The following ACTN2 variants were observed in gnomAD, a reference collection of about 807,000 sequenced individuals.
ACTN2 encodes the protein actinin alpha 2.
A neutral mutation model predicts 113.8 loss-of-function variants in ACTN2; 39 were observed. The observed-to-expected ratio is 0.34, with a 90% CI of 0.27 to 0.45. ACTN2 has a LOEUF of 0.45. ACTN2 is among the 20% of genes least tolerant of loss of function. The probability of loss-of-function intolerance (pLI) is 1.00; values close to 1 mark genes in which losing one functional copy is unlikely to be tolerated. For missense variants in ACTN2, 992 were observed against 1,177.9 expected (o/e 0.84, Z 2.31); for synonymous variants, 429 against 444.1 (o/e 0.97, Z 0.43).
chr1:236,686,859 C>G, intron 1 of ACTN2, 60 bp downstream of exon 1: 1 of 1,311,168 alleles, frequency 7.6e-7, no homozygotes, highest in Non-Finnish European at 9.7e-7. Flanking sequence ...GCGGGGCTCC[C>G]GTGCGCGTGG....
At chr1:236,737,297 G>GTGTATATA in intron 9 of ACTN2, 83 bp downstream of exon 9, 11 of 322,140 alleles carry the variant, frequency 3.4e-5, no homozygotes, top group South Asian at 1.4e-4. Flanking sequence ...CTCCGTGGGG[G>GTGTATATA]CATATATATA....
chr1:236,737,297 G>GTATGTATATATATATATA, intron 9 of ACTN2, 83 bp downstream of exon 9: 4 of 322,150 alleles, frequency 1.2e-5, no homozygotes, highest in East Asian at 5.8e-5. Context: ...CTCCGTGGGG[G>GTATGTATATATATATATA]CATATATATA....
intron 1 of ACTN2, among the ~76,000 whole-genome samples, chr1:236,711,865 G>A (rs1658037463): frequency 6.6e-6 from 1 of 152,188 alleles, no homozygotes; most frequent in Non-Finnish European, 1.5e-5. Context: ...AGAGGAGGTT[G>A]GAGGGTTCTG....
chr1:236,690,410 C>T (rs554201098), intron 1 of ACTN2, among the ~76,000 whole-genome samples: 6 of 152,272 alleles, frequency 3.9e-5, no homozygotes, highest in Admixed American at 3.9e-4. Context: ...TAACAGAAAG[C>T]TTGTGACATT....
chr1:236,762,343 C>T (rs1184472481), intron 20 of ACTN2, 118 bp from the exon 21 acceptor site: 3 of 1,346,668 alleles, frequency 2.2e-6, no homozygotes, highest in Admixed American at 1.8e-5. Context: ...CCAATAGACT[C>T]CCTATTCTTT....
intron 9 of ACTN2, among the ~76,000 whole-genome samples, chr1:236,737,545 C>T (rs1208410343): frequency 9.6e-6 from 1 of 104,410 alleles, no homozygotes; most frequent in East Asian, 2.6e-4. Flanking sequence ...CCTTGGGTTA[C>T]TTGTTTTTTT....
rs149857430 is a variant in ACTN2 at position 236,747,093 on chromosome 1, C to T, written c.1407-574C>T. Among the ~76,000 whole-genome samples, 385 of 152,290 alleles carry T rather than the reference C, an allele frequency of 2.5e-3. 1 individual carries two copies. Among genetic ancestry groups the T allele is most frequent in the African/African-American group, 8.9e-3 (372 of 41,574 alleles). ...TCAGAGAGTGATGTCTTCCGACCTT[C>T]ACTCATAGGGACATTGCCACTTAGA... On this transcript the variant is annotated intron_variant, in intron 12 of 20. Coordinates refer to ENST00000366578, the MANE Select transcript of ACTN2 (RefSeq NM_001103.4).
intron 10 of ACTN2, among the ~76,000 whole-genome samples, chr1:236,742,184 C>CT (rs960486546): frequency 6.6e-5 from 10 of 151,632 alleles, no homozygotes; most frequent in East Asian, 3.9e-4. Context: ...CTTGACCCTG[C>CT]TTTTTTTTTC....
intron 9 of ACTN2, 74 bp downstream of exon 9, chr1:236,737,288 T>C: frequency 3.3e-6 from 2 of 604,290 alleles, no homozygotes; most frequent in Admixed American, 2.2e-5. Context: ...GAAAAAATAC[T>C]CCGTGGGGGC....
intron 2 of ACTN2, among the ~76,000 whole-genome samples, chr1:236,718,194 A>C (rs534825370): frequency 6.6e-6 from 1 of 152,244 alleles, no homozygotes; most frequent in East Asian, 1.9e-4. Flanking sequence ...AATAATGTTT[A>C]TACCACCAAG....
intron 1 of ACTN2, among the ~76,000 whole-genome samples, chr1:236,715,313 C>CA (rs1384223806): frequency 2.8e-4 from 30 of 109,060 alleles, no homozygotes; most frequent in African/African-American, 9.1e-4. Flanking sequence ...CCCCCTCCCC[C>CA]CACCCTGTTA....
chr1:236,698,544 A>T (rs1657585303), intron 1 of ACTN2, among the ~76,000 whole-genome samples: 1 of 152,248 alleles, frequency 6.6e-6, no homozygotes, highest in South Asian at 2.1e-4. Context: ...TTTGTGTTTT[A>T]TAGACTGTAA....
chr1:236,707,720 T>C (rs1422345696), intron 1 of ACTN2, among the ~76,000 whole-genome samples: 1 of 137,588 alleles, frequency 7.3e-6, no homozygotes, highest in Non-Finnish European at 1.6e-5. Context: ...TTTTTTTTTT[T>C]TTTTTTTTTG....
intron 1 of ACTN2, among the ~76,000 whole-genome samples, chr1:236,703,432 C>A (rs1000742752): frequency 8.6e-5 from 12 of 139,056 alleles, no homozygotes; most frequent in African/African-American, 3.2e-4. Context: ...GGGCCTACTA[C>A]CTTTTTTTTT....
At chr1:236,723,846 G>A (rs978343388) in intron 4 of ACTN2, among the ~76,000 whole-genome samples, 6 of 152,062 alleles carry the variant, frequency 3.9e-5, no homozygotes, top group African/African-American at 1.4e-4. Context: ...AAGGCCCCAT[G>A]TTAGTTAGGA....
chr1:236,748,480 G>C (rs961846252), intron 13 of ACTN2, among the ~76,000 whole-genome samples: 8 of 152,194 alleles, frequency 5.3e-5, no homozygotes, highest in Non-Finnish European at 8.8e-5. Flanking sequence ...AGGGAAAAAT[G>C]AACCTAATTA....
At chr1:236,709,230 A>ATATC in intron 1 of ACTN2, among the ~76,000 whole-genome samples, 1 of 61,916 alleles carries the variant, frequency 1.6e-5, no homozygotes, top group African/African-American at 4.2e-5. Flanking sequence ...GTATATATAT[A>ATATC]TATATATATA....
At chr1:236,710,458 A>C (rs2102882312) in intron 1 of ACTN2, among the ~76,000 whole-genome samples, 1 of 152,326 alleles carries the variant, frequency 6.6e-6, no homozygotes, top group South Asian at 2.1e-4. Context: ...TGGATTAGGG[A>C]CTTTGCTAGC....
intron 1 of ACTN2, among the ~76,000 whole-genome samples, chr1:236,692,327 G>T (rs945273083): frequency 6.6e-6 from 1 of 152,234 alleles, no homozygotes; most frequent in Admixed American, 6.5e-5. Flanking sequence ...CAAGACAGTG[G>T]TATTGACAAG....
Sources: allele counts gnomAD v4.1 joint callset (sites outside exome capture counted in the v4.1 genomes callset), GRCh38; gene constraint gnomAD v4.1.1; transcripts MANE v1.5; gene names NCBI Gene and HGNC (gene_info 2026-07-23, HGNC 2026-07-21).